Variants in MDN1 observed in about 807,000 individuals in gnomAD.
MDN1 encodes midasin.
A neutral mutation model predicts 669.2 loss-of-function variants in MDN1; 266 were observed. The observed-to-expected ratio is 0.40, with a 90% confidence interval of 0.36 to 0.44. MDN1 has a LOEUF of 0.44. MDN1 is among the 20% of genes least tolerant of loss of function. The probability of loss-of-function intolerance (pLI) is 1.00; values close to 1 mark genes in which losing one functional copy is unlikely to be tolerated. For synonymous variants in MDN1, 2,385 were observed against 2,457.1 expected (o/e 0.97, Z 0.87); for missense variants, 5,940 against 6,754.0 (o/e 0.88, Z 4.22).
chr6:89,768,607 C>A (rs1475649741), intron 15 of MDN1, among the ~76,000 whole-genome samples: 1 of 151,888 alleles, frequency 6.6e-6, no homozygotes, highest in Non-Finnish European at 1.5e-5. Context: ...CGTGGTGGTG[C>A]ACGTCTGTAG....
intron 95 of MDN1, 105 bp from the exon 96 acceptor site, chr6:89,650,952 A>G (rs1808809782): frequency 1.3e-6 from 1 of 755,316 alleles, no homozygotes; most frequent in Admixed American, 2.4e-5. Flanking sequence ...GACCTGCATG[A>G]ACTTTCTCAA....
intron 88 of MDN1, among the ~76,000 whole-genome samples, chr6:89,660,036 T>C (rs957279732): frequency 2.6e-5 from 4 of 152,126 alleles, no homozygotes; most frequent in African/African-American, 7.2e-5. Flanking sequence ...TACAGGCATA[T>C]GCCACCACAC....
At chr6:89,781,992 CATAAAA>C (rs751121415) in intron 9 of MDN1, among the ~76,000 whole-genome samples, 71 of 152,136 alleles carry the variant, frequency 4.7e-4, no homozygotes, top group South Asian at 1.0e-3. Flanking sequence ...ATAAATAAAA[CATAAAA>C]ATAAAAATGA....
intron 5 of MDN1, 111 bp from the exon 6 acceptor site, chr6:89,790,512 T>C: frequency 7.7e-7 from 1 of 1,304,160 alleles, no homozygotes; most frequent in Non-Finnish European, 1.1e-6. Flanking sequence ...TGTAAGTAAA[T>C]TAGTAGTACC....
At position 89,726,296 on chromosome 6, in the gene MDN1, A is replaced by G. The variant is rs148940033; in HGVS notation, c.5473-900T>C. Among the ~76,000 whole-genome samples the G allele has an allele frequency of 6.1e-3, 927 of 152,036 alleles. 9 individuals are homozygous for G. The highest frequency in any genetic ancestry group is 0.02 in the African/African-American group (835 of 41,496). ...GCCAACATAGCGAAACCTTGTCTCTACTAAAAATACAAAACTTAGACATTG... is the reference window on the plus strand; with the variant it reads ...GCCAACATAGCGAAACCTTGTCTCTGCTAAAAATACAAAACTTAGACATTG... On this transcript the variant is annotated intron_variant, in intron 37 of 101. Transcript: ENST00000369393.
intron 74 of MDN1, among the ~76,000 whole-genome samples, chr6:89,679,140 T>C (rs1811435214): frequency 6.6e-6 from 1 of 152,250 alleles, no homozygotes; most frequent in Non-Finnish European, 1.5e-5. Flanking sequence ...ATAATATGTA[T>C]TGAGTTTCCA....
At chr6:89,806,643 A>G (rs899953815) in intron 1 of MDN1, among the ~76,000 whole-genome samples, 1 of 152,166 alleles carries the variant, frequency 6.6e-6, no homozygotes, top group Non-Finnish European at 1.5e-5. Context: ...GCTTGAACCC[A>G]GGAGGCGGAG....
Position 89,819,551 on chromosome 6 carries a change from C to T in MDN1, c.57G>A (p.Lys19=). The T allele has an allele frequency of 6.2e-7, 1 of 1,605,016 alleles. No individual in the cohort carries two copies. Among genetic ancestry groups the T allele is most frequent in the South Asian group, 1.1e-5 (1 of 91,090 alleles). Reference sequence around the variant, plus strand: ...CCAACTCACTGCGGCTCTTCTCGTTCTTGGCTGCGATTAACCGCAGCGGCG... The same window carrying T: ...CCAACTCACTGCGGCTCTTCTCGTTTTTGGCTGCGATTAACCGCAGCGGCG... ...AAAPLRLIAA[K]NEKSRSELGR... The change falls in exon 1 of 102, where the codon AAG becomes AAA. Residue 19 remains lysine, a synonymous_variant. Coordinates refer to ENST00000369393, the MANE Select transcript of MDN1 (RefSeq NM_014611.3).
intron 7 of MDN1, 28 bp from the exon 8 acceptor site, chr6:89,787,985 A>G: frequency 6.5e-7 from 1 of 1,540,790 alleles, no homozygotes; most frequent in Non-Finnish European, 8.9e-7. Flanking sequence ...AACCGCACTG[A>G]TAAAGTAAAG....
chr6:89,807,772 C>T (rs751326878), intron 1 of MDN1, among the ~76,000 whole-genome samples: 2 of 152,148 alleles, frequency 1.3e-5, no homozygotes, highest in Non-Finnish European at 2.9e-5. Flanking sequence ...CCCACCCTGT[C>T]TGTTTAAGCC....
intron 15 of MDN1, among the ~76,000 whole-genome samples, chr6:89,764,703 G>A (rs916356899): frequency 1.3e-5 from 2 of 152,164 alleles, no homozygotes; most frequent in African/African-American, 4.8e-5. Flanking sequence ...ATCTGTGGGT[G>A]CAAGGAGGCC....
At chr6:89,685,066 T>A (rs984419933) in intron 70 of MDN1, 81 bp from the exon 71 acceptor site, 3 of 845,492 alleles carry the variant, frequency 3.5e-6, no homozygotes, top group Non-Finnish European at 5.7e-6. Context: ...CATATTTCAG[T>A]GATGACCCTT....
chr6:89,656,046 TA>T (rs1249156520), intron 91 of MDN1, 78 bp from the exon 92 acceptor site: 28 of 1,287,824 alleles, frequency 2.2e-5, no homozygotes, highest in South Asian at 4.1e-5. Flanking sequence ...TATCCATCTA[TA>T]GGGGACAGGA....
intron 73 of MDN1, among the ~76,000 whole-genome samples, chr6:89,682,699 T>TAA (rs143107841): frequency 1.0e-4 from 10 of 96,850 alleles, no homozygotes; most frequent in African/African-American, 2.3e-4. Context: ...GACTCTGTCT[T>TAA]AAAAAAAAAA....
At chr6:89,796,245 G>C (rs1819583942) in intron 2 of MDN1, among the ~76,000 whole-genome samples, 1 of 138,338 alleles carries the variant, frequency 7.2e-6, no homozygotes, top group African/African-American at 2.7e-5. Flanking sequence ...AATCACTTGA[G>C]CCCGAGACAC....
chr6:89,796,352 A>G (rs1251544996), intron 2 of MDN1, among the ~76,000 whole-genome samples: 5 of 133,668 alleles, frequency 3.7e-5, no homozygotes, highest in Non-Finnish European at 6.7e-5. Flanking sequence ...AAAAAAAAAC[A>G]AAAAAAAAAA....
chr6:89,715,762 C>A lies in MDN1; in HGVS notation c.6751G>T (p.Val2251Leu), dbSNP rs1421082256. Residue 2251 changes from valine (V) to leucine (L), a missense_variant, in exon 45 of 102, where the codon GTG (valine) becomes TTG (leucine). Val to Leu is a conservative substitution (Grantham distance 32). Around this residue, in one of 5 missense-constraint regions of MDN1, gnomAD observed 2,292 missense variants for 2,638.3 expected, o/e 0.87. Coordinates refer to ENST00000369393, the MANE Select transcript of MDN1 (RefSeq NM_014611.3). Reference protein sequence around the residue: ...MDNVNFCNPSVLDRLNALLEP... With the variant: ...MDNVNFCNPSLLDRLNALLEP... ...AGCAAAGCATTCAAACGATCCAACA[C>A]TGATGGGCTGCAGAGACAGAATTCA... 6.2e-7 allele frequency: 1 copy of A among 1,605,502 alleles called. No individual in the cohort carries two copies. The highest frequency in any genetic ancestry group is 8.5e-7 in the Non-Finnish European group (1 of 1,172,174).
At chr6:89,778,694 C>T (rs1195826243) in intron 11 of MDN1, among the ~76,000 whole-genome samples, 1 of 151,538 alleles carries the variant, frequency 6.6e-6, no homozygotes, top group African/African-American at 2.4e-5. Context: ...ATCATCCTGG[C>T]TAACAGGGTG....
At chr6:89,707,807 C>T (rs1469137011) in intron 51 of MDN1, among the ~76,000 whole-genome samples, 3 of 152,174 alleles carry the variant, frequency 2.0e-5, no homozygotes, top group African/African-American at 7.2e-5. Flanking sequence ...TGGTAGCTTG[C>T]AAGGCACCCT....
Sources: gnomAD v4.1 joint callset for allele counts (sites outside exome capture counted in the v4.1 genomes callset) on GRCh38, gnomAD v4.1.1 for gene constraint, gnomAD v4.1.1 regional missense constraint, MANE v1.5 for transcripts, NCBI Gene and HGNC (gene_info 2026-07-23, HGNC 2026-07-21) for gene names.